The following LIMCH1 variants were observed in gnomAD, a reference collection of about 807,000 sequenced individuals.
LIMCH1 encodes the protein LIM and calponin homology domains 1, also known as LIM and calponin homology domains-containing protein 1.
A neutral mutation model predicts 176.5 loss-of-function variants in LIMCH1; 113 were observed. The ratio of observed to expected loss-of-function variants is 0.64; its 90% CI spans 0.55 to 0.75. The LOEUF (loss-of-function observed/expected upper bound fraction) is 0.75, where lower values mean the gene tolerates loss of function less well. Ranked by LOEUF, LIMCH1 falls within the 30% of genes least tolerant of loss-of-function variation. LIMCH1 has a pLI of 0.00. For missense variants in LIMCH1, 1,674 were observed against 1,814.9 expected, an observed-to-expected ratio of 0.92 and a Z score of 1.41; for synonymous variants, 619 against 645.9, an observed-to-expected ratio of 0.96 and a Z score of 0.63.
chr4:41,541,035 T>C (rs1164876603), intron 1 of LIMCH1, among the ~76,000 whole-genome samples: 2 of 152,114 alleles, frequency 1.3e-5, no homozygotes, highest in East Asian at 3.9e-4. Context: ...GGGAGAGATT[T>C]GTGTGTGTGT....
intron 1 of LIMCH1, among the ~76,000 whole-genome samples, chr4:41,457,872 G>T (rs1442837106): frequency 6.6e-6 from 1 of 152,096 alleles, no homozygotes; most frequent in East Asian, 1.9e-4. Flanking sequence ...TTTAGTAAAG[G>T]TATTAAAATA....
intron 21 of LIMCH1, 152 bp downstream of exon 21, chr4:41,666,818 C>T (rs2094842652): frequency 1.6e-6 from 1 of 613,824 alleles, no homozygotes; most frequent in African/African-American, 1.9e-5. Flanking sequence ...TTTATGACTT[C>T]AGAATGGAAA....
In LIMCH1 at chr4:41,542,462, A is replaced by G. The variant is rs188470912; in HGVS notation, c.-241+4112A>G. 2.8e-3 allele frequency among the ~76,000 whole-genome samples: 420 copies of G among 152,216 alleles called. 3 individuals carry two copies. The highest frequency in any genetic ancestry group is 9.1e-3 in the African/African-American group (379 of 41,554). Reference sequence around the variant, plus strand: ...AATGTGAATGTGTGAATTTAACAGTAAAAACTTAAAGGAAGGAAAAAATAC... The same window carrying G: ...AATGTGAATGTGTGAATTTAACAGTGAAAACTTAAAGGAAGGAAAAAATAC... On this transcript the variant is annotated intron_variant, in intron 1 of 31. Transcript: ENST00000503057.
In LIMCH1 at chr4:41,474,043, T is replaced by C. The variant is rs909445409; in HGVS notation, c.97-20493T>C. 2.6e-5 allele frequency among the ~76,000 whole-genome samples: 4 copies of C among 151,444 alleles called. 1 individual carries two copies. The highest frequency in any genetic ancestry group is 9.7e-5 in the African/African-American group (4 of 41,182). On this transcript the variant is annotated intron_variant, in intron 1 of 26. Coordinates refer to the LIMCH1 transcript ENST00000313860. ...AAATAAAAAAATTAACAAGGCACGGTGGTGCGCCCCTGTAATCCCAGCTAC... is the reference window on the plus strand; with the variant it reads ...AAATAAAAAAATTAACAAGGCACGGCGGTGCGCCCCTGTAATCCCAGCTAC...
chr4:41,671,028 T>C, intron 21 of LIMCH1: 1 of 967,268 alleles, frequency 1.0e-6, no homozygotes, highest in Non-Finnish European at 1.2e-6. Context: ...AATAATAATA[T>C]TCATCATTTT....
intron 1 of LIMCH1, among the ~76,000 whole-genome samples, chr4:41,472,417 C>T (rs2067113285): frequency 6.7e-6 from 1 of 148,362 alleles, no homozygotes; most frequent in Non-Finnish European, 1.5e-5. Context: ...TTCCTTCCTA[C>T]TTTCTTCTTT....
chr4:41,581,980 A>T (rs1019662153), intron 1 of LIMCH1, among the ~76,000 whole-genome samples: 2 of 152,172 alleles, frequency 1.3e-5, no homozygotes, highest in African/African-American at 4.8e-5. Flanking sequence ...TTGTGAATAT[A>T]TATGTCAGAT....
chr4:41,434,068 T>C (rs1205352408), intron 1 of LIMCH1, among the ~76,000 whole-genome samples: 1 of 148,722 alleles, frequency 6.7e-6, no homozygotes, highest in Non-Finnish European at 1.5e-5. Flanking sequence ...GAGGACAAAA[T>C]GGTGAGGTCA....
intron 1 of LIMCH1, among the ~76,000 whole-genome samples, chr4:41,477,187 T>C (rs1038133334): frequency 2.6e-5 from 4 of 152,206 alleles, no homozygotes; most frequent in African/African-American, 9.6e-5. Context: ...TCTGTACTTT[T>C]GTTTCTTCAT....
intron 1 of LIMCH1, among the ~76,000 whole-genome samples, chr4:41,451,600 T>C (rs1053816886): frequency 6.6e-6 from 1 of 152,184 alleles, no homozygotes. Flanking sequence ...TATTTGAGGA[T>C]TGGCCTATTG....
chr4:41,396,247 C>T (rs1409589388), intron 1 of LIMCH1, among the ~76,000 whole-genome samples: 1 of 152,152 alleles, frequency 6.6e-6, no homozygotes, highest in African/African-American at 2.4e-5. Flanking sequence ...TATACCATTT[C>T]CAGTTGTTTC....
Position 41,689,584 on chromosome 4 carries a change from T to C in LIMCH1, c.4224T>C (p.Ala1408=), listed in dbSNP as rs1061597. ...GTGGGCTTCCTTTGGGTAAAGGAGC[T>C]GCAATGATCATCGAGACCCTCAATC... The part of the protein sequence containing the change: ...SSCGLPLGKG[A]AMIIETLNLY... The change falls in exon 30 of 32, where the codon GCT becomes GCC. Residue 1408 remains alanine (A), a synonymous_variant. Coordinates refer to ENST00000503057, the MANE Select transcript of LIMCH1 (RefSeq NM_001330672.2). 0.14 allele frequency: 231,220 copies of C among 1,609,964 alleles called. 18,852 individuals are homozygous for C. Among genetic ancestry groups the C allele is most frequent in the Middle Eastern group, 0.21 (1,291 of 6,044 alleles).
chr4:41,617,954 A>T (rs1240571125), intron 5 of LIMCH1, among the ~76,000 whole-genome samples: 1 of 152,222 alleles, frequency 6.6e-6, no homozygotes, highest in Non-Finnish European at 1.5e-5. Context: ...TGAAGTAGGG[A>T]TATTATTATC....
intron 1 of LIMCH1, among the ~76,000 whole-genome samples, chr4:41,398,993 A>G (rs1279019925): frequency 6.6e-6 from 1 of 152,198 alleles, no homozygotes; most frequent in Non-Finnish European, 1.5e-5. Context: ...TAAAAGGAGA[A>G]TTCTATGAAA....
intron 18 of LIMCH1, among the ~76,000 whole-genome samples, chr4:41,654,772 G>A (rs1178359714): frequency 6.6e-6 from 1 of 152,150 alleles, no homozygotes. Flanking sequence ...CCCCAAGAAG[G>A]ATAAGAGGTG....
At chr4:41,368,371 C>T (rs888464308) in intron 1 of LIMCH1, among the ~76,000 whole-genome samples, 4 of 152,184 alleles carry the variant, frequency 2.6e-5, no homozygotes, top group Non-Finnish European at 1.5e-5. Flanking sequence ...ACAAAATAAA[C>T]ATACTTCCTG....
intron 1 of LIMCH1, among the ~76,000 whole-genome samples, chr4:41,485,761 G>A (rs1355569254): frequency 1.3e-5 from 2 of 152,104 alleles, no homozygotes; most frequent in East Asian, 3.9e-4. Flanking sequence ...GGGTCTGAGT[G>A]GAATGGTAGC....
chr4:41,637,768 C>T (rs983685638), intron 13 of LIMCH1, among the ~76,000 whole-genome samples: 5 of 152,116 alleles, frequency 3.3e-5, no homozygotes, highest in African/African-American at 1.2e-4. Flanking sequence ...ATGATAAAAG[C>T]ATAAGAGAGA....
chr4:41,620,181 C>A, intron 6 of LIMCH1: 1 of 454,798 alleles, frequency 2.2e-6, no homozygotes, highest in Non-Finnish European at 3.9e-6. Context: ...ATTTACCTTT[C>A]CAGCAGAAAA....
Sources: allele counts gnomAD v4.1 joint callset (sites outside exome capture counted in the v4.1 genomes callset), GRCh38; gene constraint gnomAD v4.1.1; transcripts MANE v1.5; gene names NCBI Gene and HGNC (gene_info 2026-07-23, HGNC 2026-07-21).